ALCAM: variants seen among roughly 807,000 people sequenced by gnomAD.
ALCAM encodes activated leukocyte cell adhesion molecule, also known as CD166 antigen.
A neutral mutation model predicts 70.9 loss-of-function variants in ALCAM; 30 were observed. That is an observed-to-expected ratio of 0.42 (90% CI 0.32 to 0.57). The LOEUF (loss-of-function observed/expected upper bound fraction) is 0.57. ALCAM is among the 20% of genes least tolerant of loss of function. The probability of loss-of-function intolerance (pLI) is 0.11; values close to 1 mark genes in which losing one functional copy is unlikely to be tolerated. For synonymous variants in ALCAM, 249 were observed against 242.5 expected (o/e 1.03, Z -0.25); for missense variants, 591 against 695.1 (o/e 0.85, Z 1.68).
intron 1 of ALCAM, among the ~76,000 whole-genome samples, chr3:105,475,251 T>C (rs1938074927): frequency 6.6e-6 from 1 of 151,978 alleles, no homozygotes; most frequent in Non-Finnish European, 1.5e-5. Context: ...AAGTTTATAG[T>C]TTCCTCAATG....
chr3:105,500,921 C>A (rs576159190), intron 1 of ALCAM, among the ~76,000 whole-genome samples: 2 of 152,322 alleles, frequency 1.3e-5, no homozygotes, highest in East Asian at 3.9e-4. Context: ...AGGAAACACC[C>A]AGGTTTTGAG....
chr3:105,551,692 T>G (rs1028817180), intron 12 of ALCAM, among the ~76,000 whole-genome samples: 1 of 151,606 alleles, frequency 6.6e-6, no homozygotes, highest in African/African-American at 2.4e-5. Flanking sequence ...CTCCTACTAC[T>G]TTGAGAACAT....
At chr3:105,561,051 C>T (rs1940620467) in intron 14 of ALCAM, among the ~76,000 whole-genome samples, 1 of 152,094 alleles carries the variant, frequency 6.6e-6, no homozygotes, top group East Asian at 1.9e-4. Flanking sequence ...ATTTACTTGG[C>T]TCTTTTCAAT....
At chr3:105,526,101 C>G (rs531246435) in intron 3 of ALCAM, among the ~76,000 whole-genome samples, 10 of 151,892 alleles carry the variant, frequency 6.6e-5, no homozygotes, top group Admixed American at 2.6e-4. Flanking sequence ...AAAAATGGAC[C>G]ACAGTAGCTA....
intron 14 of ALCAM, chr3:105,553,253 C>A (rs1007048434): frequency 2.6e-6 from 1 of 382,880 alleles, no homozygotes; most frequent in Non-Finnish European, 3.6e-6. Flanking sequence ...TCCGATGAAC[C>A]AGCGAAGATT....
chr3:105,514,089 A>C (rs1043422967), intron 1 of ALCAM, among the ~76,000 whole-genome samples: 1 of 151,852 alleles, frequency 6.6e-6, no homozygotes. Flanking sequence ...CCTCAATCTC[A>C]TTGCTGGGAT....
intron 1 of ALCAM, chr3:105,439,527 G>T (rs1384564798): frequency 1.3e-5 from 2 of 152,156 alleles, no homozygotes; most frequent in Non-Finnish European, 2.9e-5. Context: ...TACAGATAAA[G>T]AAATGGTCTA....
In ALCAM at chr3:105,373,205, T is replaced by A. The variant is rs529367728; in HGVS notation, c.73+5724T>A. Reference sequence around the variant, plus strand: ...ACACACCTGCTTTTAGAAAAAAAAATTACTACTTATAATGGATTATGGGGT... The same window carrying A: ...ACACACCTGCTTTTAGAAAAAAAAAATACTACTTATAATGGATTATGGGGT... On this transcript the variant is annotated intron_variant, in intron 1 of 15. Transcript: ENST00000306107. Among the ~76,000 whole-genome samples, 29 of 152,138 alleles carry A rather than the reference T, an allele frequency of 1.9e-4. No homozygotes were observed. The East Asian group carries it at 5.0e-3, about 26-fold the overall frequency.
At chr3:105,503,571 T>TTTGC (rs142614470) in intron 1 of ALCAM, among the ~76,000 whole-genome samples, 26,531 of 152,076 alleles carry the variant, frequency 0.17, 2,590 homozygotes, top group Admixed American at 0.26. Context: ...CTCCAGCTAG[T>TTTGC]TTGCCTTCAT....
In ALCAM at chr3:105,540,327, A is replaced by G. The variant is rs530897182; in HGVS notation, c.858+225A>G. On this transcript the variant is annotated intron_variant, in intron 7 of 15. Transcript: ENST00000306107. ...AGAAAAAAAAAGCCAACCACAGGAA[A>G]CCATAATTGCAAAAACTTAAAGTTT... Among the ~76,000 whole-genome samples, 7 of 152,082 alleles carry G rather than the reference A, an allele frequency of 4.6e-5. No individual in the cohort carries two copies. The East Asian group carries it at 1.2e-3, about 25-fold the overall frequency.
chr3:105,406,528 G>A (rs114433276), intron 1 of ALCAM, among the ~76,000 whole-genome samples: 3,290 of 152,078 alleles, frequency 0.022, 56 homozygotes, highest in Non-Finnish European at 0.03. Context: ...CAAAACCTCC[G>A]GGAAACAGCA....
chr3:105,478,321 C>T (rs1357739030), intron 1 of ALCAM, among the ~76,000 whole-genome samples: 1 of 152,074 alleles, frequency 6.6e-6, no homozygotes, highest in African/African-American at 2.4e-5. Context: ...TCTGTTCATG[C>T]ATATATGATT....
At chr3:105,513,498 T>G (rs1022427243) in intron 1 of ALCAM, 29 of 152,076 alleles carry the variant, frequency 1.9e-4, no homozygotes, top group African/African-American at 7.0e-4. Context: ...ATCACCACAG[T>G]GCTCCCCTCT....
intron 1 of ALCAM, among the ~76,000 whole-genome samples, chr3:105,454,848 G>A (rs1167798449): frequency 1.3e-5 from 2 of 151,316 alleles, no homozygotes; most frequent in South Asian, 4.2e-4. Context: ...TTGTGTGTGT[G>A]TGTGTATTTT....
chr3:105,490,268 A>G (rs983305872), intron 1 of ALCAM, among the ~76,000 whole-genome samples: 1 of 152,170 alleles, frequency 6.6e-6, no homozygotes, highest in African/African-American at 2.4e-5. Context: ...ACCCTTTCAC[A>G]AGCATTCAGT....
intron 1 of ALCAM, among the ~76,000 whole-genome samples, chr3:105,479,138 A>C (rs1261998570): frequency 6.6e-6 from 1 of 152,190 alleles, no homozygotes; most frequent in Non-Finnish European, 1.5e-5. Flanking sequence ...TTTAAATAAA[A>C]TTCATATTCT....
chr3:105,519,033 A>G (rs1939461163), intron 1 of ALCAM, among the ~76,000 whole-genome samples: 1 of 152,074 alleles, frequency 6.6e-6, no homozygotes, highest in Non-Finnish European at 1.5e-5. Flanking sequence ...CACCTGGTGG[A>G]CAAAATATCA....
At chr3:105,415,646 T>G (rs6780238) in intron 1 of ALCAM, among the ~76,000 whole-genome samples, 104,703 of 151,880 alleles carry the variant, frequency 0.69, 36,409 homozygotes, top group East Asian at 0.93. Flanking sequence ...TTTATTTATT[T>G]CTGTTAAAGT....
In ALCAM at chr3:105,576,614, G is replaced by C. The variant is rs1237374140; in HGVS notation, c.*2163G>C. 1 of 152,204 alleles carries C rather than the reference G, an allele frequency of 6.6e-6. No individual in the cohort carries two copies. Among genetic ancestry groups the C allele is most frequent in the Non-Finnish European group, 1.5e-5 (1 of 67,980 alleles). The allele number at this position is 152,204 out of a possible 1,614,324, so 9.4% of individuals were successfully genotyped here. ...GCTCTGGACCGAAAGCAGAAAGTTT[G>C]CCGGGAAAAAAAAAGACAACATTAT... On this transcript the variant is annotated 3_prime_UTR_variant, in exon 16 of 16. Coordinates refer to ENST00000306107, the MANE Select transcript of ALCAM (RefSeq NM_001627.4).
Sources: allele counts gnomAD v4.1 joint callset (sites outside exome capture counted in the v4.1 genomes callset), GRCh38; gene constraint gnomAD v4.1.1; transcripts MANE v1.5; gene names NCBI Gene and HGNC (gene_info 2026-07-23, HGNC 2026-07-21).